KIAA1328: variants seen among roughly 807,000 people sequenced by gnomAD.
KIAA1328 encodes KIAA1328, also known as protein hinderin.
Under a neutral mutation model 68.1 loss-of-function variants are expected in KIAA1328, and 52 were observed. The observed-to-expected ratio is 0.76, with a 90% CI of 0.61 to 0.96. The LOEUF is 0.96. Among genes scored for constraint, KIAA1328 ranks in the 40% least tolerant of loss-of-function variants. KIAA1328 has a pLI of 0.00. For synonymous variants in KIAA1328, 232 were observed against 239.4 expected (o/e 0.97, Z 0.28); for missense variants, 641 against 677.6 (o/e 0.95, Z 0.60).
chr18:37,158,129 C>T (rs1243114659), intron 7 of KIAA1328, among the ~76,000 whole-genome samples: 1 of 151,890 alleles, frequency 6.6e-6, no homozygotes, highest in Non-Finnish European at 1.5e-5. Flanking sequence ...AACTCCTGGG[C>T]TCAAGCTATC....
intron 6 of KIAA1328, among the ~76,000 whole-genome samples, chr18:37,054,545 G>A (rs946861375): frequency 7.2e-5 from 11 of 152,118 alleles, no homozygotes; most frequent in Admixed American, 2.6e-4. Context: ...ATTATCCTAC[G>A]CAAATTAACA....
At chr18:36,851,081 G>GT (rs1157705538) in intron 4 of KIAA1328, among the ~76,000 whole-genome samples, 1 of 151,360 alleles carries the variant, frequency 6.6e-6, no homozygotes, top group Non-Finnish European at 1.5e-5. Context: ...TGTTTTTGTG[G>GT]TTTTTTTTCT....
At chr18:36,902,583 AC>A (rs1175385511) in intron 5 of KIAA1328, among the ~76,000 whole-genome samples, 12 of 152,074 alleles carry the variant, frequency 7.9e-5, no homozygotes. Flanking sequence ...ATGTTTTATG[AC>A]AGCTTCTCTG....
chr18:37,187,021 G>T (rs992626824), intron 9 of KIAA1328, among the ~76,000 whole-genome samples: 2 of 152,040 alleles, frequency 1.3e-5, no homozygotes, highest in African/African-American at 2.4e-5. Flanking sequence ...TAAATTAGCC[G>T]GGTATGGTGG....
chr18:37,084,484 T>G (rs570105996), intron 7 of KIAA1328: 7 of 243,584 alleles, frequency 2.9e-5, no homozygotes, highest in South Asian at 1.6e-4. Flanking sequence ...TTGTTTTTTT[T>G]TTTTTTTTGG....
chr18:37,101,943 A>G (rs323289), intron 7 of KIAA1328, among the ~76,000 whole-genome samples: 15,588 of 152,170 alleles, frequency 0.1, 2,688 homozygotes, highest in African/African-American at 0.35. Context: ...GAGAAAAAAC[A>G]CCAATTCTTT....
chr18:37,183,897 T>C (rs1288870767), intron 9 of KIAA1328, among the ~76,000 whole-genome samples: 1 of 152,220 alleles, frequency 6.6e-6, no homozygotes, highest in African/African-American at 2.4e-5. Flanking sequence ...CCTTCTAATA[T>C]GCCATGTAAT....
At chr18:36,895,535 T>A (rs1403851394) in intron 5 of KIAA1328, among the ~76,000 whole-genome samples, 2 of 152,326 alleles carry the variant, frequency 1.3e-5, no homozygotes, top group East Asian at 3.9e-4. Flanking sequence ...AAATATTTTT[T>A]AAAAATTCTA....
At chr18:36,861,058 T>C (rs2047549730) in intron 4 of KIAA1328, among the ~76,000 whole-genome samples, 1 of 152,168 alleles carries the variant, frequency 6.6e-6, no homozygotes, top group Non-Finnish European at 1.5e-5. Context: ...ATTTGACTAG[T>C]GTTTTTTTGT....
intron 7 of KIAA1328, among the ~76,000 whole-genome samples, chr18:37,118,569 T>C (rs1304768037): frequency 6.6e-6 from 1 of 152,178 alleles, no homozygotes; most frequent in East Asian, 1.9e-4. Context: ...ATTATCATGA[T>C]CAGTCACCCT....
intron 6 of KIAA1328, among the ~76,000 whole-genome samples, chr18:37,003,665 AC>A (rs2053672013): frequency 6.6e-6 from 1 of 152,080 alleles, no homozygotes; most frequent in African/African-American, 2.4e-5. Flanking sequence ...CTTTGCCTAA[AC>A]CAATGTCTAG....
chr18:36,929,057 T>C (rs1046326160), intron 5 of KIAA1328, among the ~76,000 whole-genome samples: 1 of 152,232 alleles, frequency 6.6e-6, no homozygotes, highest in Admixed American at 6.5e-5. Flanking sequence ...TTCTTATTAA[T>C]ACAGCTTCCT....
intron 4 of KIAA1328, among the ~76,000 whole-genome samples, chr18:36,878,180 T>C (rs2048203869): frequency 6.6e-6 from 1 of 152,186 alleles, no homozygotes. Context: ...CCTTTCCATA[T>C]TTAGTGCTTC....
At chr18:36,987,444 C>A in intron 6 of KIAA1328, among the ~76,000 whole-genome samples, 1 of 145,006 alleles carries the variant, frequency 6.9e-6, no homozygotes, top group Non-Finnish European at 1.5e-5. Flanking sequence ...ATGTAACTAA[C>A]CTGCACATTG....
At chr18:37,017,848 G>T (rs1174412087) in intron 6 of KIAA1328, among the ~76,000 whole-genome samples, 1 of 151,968 alleles carries the variant, frequency 6.6e-6, no homozygotes, top group Non-Finnish European at 1.5e-5. Context: ...GATCCTATCA[G>T]TATCATTATG....
intron 6 of KIAA1328, among the ~76,000 whole-genome samples, chr18:37,004,123 A>G (rs2053688547): frequency 6.6e-6 from 1 of 151,990 alleles, no homozygotes; most frequent in African/African-American, 2.4e-5. Context: ...TTCTGTGAAG[A>G]ATGATGGTGG....
At chr18:37,186,721 A>G (rs2059809565) in intron 9 of KIAA1328, among the ~76,000 whole-genome samples, 3 of 152,158 alleles carry the variant, frequency 2.0e-5, no homozygotes, top group Admixed American at 1.3e-4. Flanking sequence ...AATCCTAACG[A>G]AAGAAAGAAT....
intron 9 of KIAA1328, among the ~76,000 whole-genome samples, chr18:37,213,548 T>C (rs1313497117): frequency 6.6e-6 from 1 of 152,228 alleles, no homozygotes; most frequent in Non-Finnish European, 1.5e-5. Flanking sequence ...ATGTCTATCA[T>C]TGATGGACAT....
intron 7 of KIAA1328, among the ~76,000 whole-genome samples, chr18:37,117,176 A>G (rs1330224197): frequency 6.6e-6 from 1 of 152,210 alleles, no homozygotes; most frequent in Non-Finnish European, 1.5e-5. Context: ...TCATGCTGCT[A>G]TAAAGACACA....
Sources: gnomAD v4.1 joint callset for allele counts (sites outside exome capture counted in the v4.1 genomes callset) on GRCh38, gnomAD v4.1.1 for gene constraint, MANE v1.5 for transcripts, NCBI Gene and HGNC (gene_info 2026-07-23, HGNC 2026-07-21) for gene names.